The following FOXO3 variants were observed in gnomAD, a reference collection of about 807,000 sequenced individuals.
FOXO3 encodes forkhead box protein O3.
Under a neutral mutation model 41.9 loss-of-function variants are expected in FOXO3, and 4 were observed. The ratio of observed to expected loss-of-function variants is 0.10; its 90% confidence interval spans 0.05 to 0.22. The LOEUF is 0.22. FOXO3 is among the 10% of genes least tolerant of loss of function. The pLI is 1.00. For synonymous variants in FOXO3, 318 were observed against 389.3 expected, an observed-to-expected ratio of 0.82 and a Z score of 2.16; for missense variants, 534 against 906.8, an observed-to-expected ratio of 0.59 and a Z score of 5.28.
chr6:108,577,879 G>C (rs1032175950), intron 1 of FOXO3, among the ~76,000 whole-genome samples: 1 of 152,150 alleles, frequency 6.6e-6, no homozygotes, highest in Non-Finnish European at 1.5e-5. Flanking sequence ...GTGTTTAACT[G>C]GGGTCTCCTC....
At chr6:108,647,042 A>G (rs1778411500) in intron 1 of FOXO3, among the ~76,000 whole-genome samples, 1 of 152,264 alleles carries the variant, frequency 6.6e-6, no homozygotes, top group African/African-American at 2.4e-5. Flanking sequence ...GCTATCAGGT[A>G]AAAGGACAGA....
chr6:108,603,875 C>T (rs1048844545), intron 1 of FOXO3, among the ~76,000 whole-genome samples: 3 of 152,078 alleles, frequency 2.0e-5, no homozygotes, highest in African/African-American at 7.2e-5. Flanking sequence ...AATTTCCCAG[C>T]ATGGTACATT....
chr6:108,639,441 A>G (rs1292634673), intron 1 of FOXO3: 1 of 497,880 alleles, frequency 2.0e-6, no homozygotes, highest in Non-Finnish European at 2.6e-6. Context: ...TACATTGGAC[A>G]GAAATGAAAG....
intron 1 of FOXO3, among the ~76,000 whole-genome samples, chr6:108,582,809 G>A (rs953946775): frequency 1.3e-5 from 2 of 151,790 alleles, no homozygotes; most frequent in African/African-American, 4.8e-5. Flanking sequence ...ATTCTTGTTG[G>A]GTGTAACTGC....
chr6:108,583,993 C>T (rs1776505230), intron 1 of FOXO3, among the ~76,000 whole-genome samples: 1 of 152,218 alleles, frequency 6.6e-6, no homozygotes, highest in African/African-American at 2.4e-5. Flanking sequence ...GCAGCCTGTG[C>T]TGGTCCAGGC....
intron 2 of FOXO3, among the ~76,000 whole-genome samples, chr6:108,670,630 G>A (rs1779191559): frequency 6.6e-6 from 1 of 152,132 alleles, no homozygotes; most frequent in Non-Finnish European, 1.5e-5. Flanking sequence ...GTTATGCAGT[G>A]TTTCCTAAAT....
intron 1 of FOXO3, among the ~76,000 whole-genome samples, chr6:108,587,773 C>G (rs1034213821): frequency 6.6e-6 from 1 of 152,186 alleles, no homozygotes; most frequent in Non-Finnish European, 1.5e-5. Flanking sequence ...CTTGACTTCC[C>G]TGATGGTACA....
intron 2 of FOXO3, among the ~76,000 whole-genome samples, chr6:108,670,697 C>G: frequency 6.6e-6 from 1 of 152,186 alleles, no homozygotes. Flanking sequence ...CACCAGTGTT[C>G]TAAGGAACCC....
chr6:108,606,560 G>T (rs1015806640), intron 1 of FOXO3, among the ~76,000 whole-genome samples: 1 of 152,172 alleles, frequency 6.6e-6, no homozygotes, highest in Non-Finnish European at 1.5e-5. Context: ...TATGATTAAG[G>T]CTTATCTACA....
At chr6:108,639,467 A>G (rs1778198659) in intron 1 of FOXO3, 2 of 749,330 alleles carry the variant, frequency 2.7e-6, no homozygotes, top group South Asian at 6.0e-5. Context: ...CAATAAGACC[A>G]TGTTCTTTCT....
intron 1 of FOXO3, chr6:108,639,716 T>A: frequency 4.1e-6 from 1 of 244,590 alleles, no homozygotes; most frequent in South Asian, 1.5e-4. Flanking sequence ...TTCTATTTAA[T>A]TTCAATAAAT....
rs185234716 is a variant in FOXO3, at chr6:108,679,076, T to A, written c.*35-751T>A. Among the ~76,000 whole-genome samples the A allele has an allele frequency of 9.8e-3, 1,487 of 151,940 alleles. 26 individuals are homozygous for A. The highest frequency in any genetic ancestry group is 0.034 in the African/African-American group (1,413 of 41,468). Reference sequence around the variant, plus strand: ...TTAGTAGAGACGGGGTTTCACCATGTTAGCCAGGATGGTCTCGATCTCCTG... The same window carrying A: ...TTAGTAGAGACGGGGTTTCACCATGATAGCCAGGATGGTCTCGATCTCCTG... On this transcript the variant is annotated intron_variant, in intron 2 of 2. Transcript: ENST00000406360.
chr6:108,594,199 A>G (rs527765434), intron 1 of FOXO3, among the ~76,000 whole-genome samples: 1 of 152,278 alleles, frequency 6.6e-6, no homozygotes, highest in South Asian at 2.1e-4. Context: ...TAGAAGGAAA[A>G]GGGCAGCTTG....
chr6:108,678,846 A>G (rs923032996), intron 2 of FOXO3, among the ~76,000 whole-genome samples: 2 of 142,308 alleles, frequency 1.4e-5, no homozygotes, highest in East Asian at 4.3e-4. Flanking sequence ...TGGGCAACAT[A>G]GCAAGACCCC....
At chr6:108,588,958 C>A (rs1051537845) in intron 1 of FOXO3, among the ~76,000 whole-genome samples, 3 of 152,186 alleles carry the variant, frequency 2.0e-5, no homozygotes, top group Admixed American at 6.5e-5. Context: ...CTTAGTTCTT[C>A]AGTATTTATT....
intron 2 of FOXO3, among the ~76,000 whole-genome samples, chr6:108,673,756 C>T (rs747201556): frequency 1.3e-5 from 2 of 152,094 alleles, no homozygotes; most frequent in African/African-American, 4.8e-5. Context: ...ATCCCTGCCC[C>T]GCCCCCCACA....
intron 1 of FOXO3, among the ~76,000 whole-genome samples, chr6:108,581,463 C>T (rs777488705): frequency 2.6e-5 from 4 of 152,110 alleles, no homozygotes; most frequent in Non-Finnish European, 5.9e-5. Context: ...CTTCAAAGAA[C>T]ATTATCAAAC....
intron 1 of FOXO3, among the ~76,000 whole-genome samples, chr6:108,615,297 G>T (rs992678380): frequency 4.6e-5 from 7 of 151,886 alleles, no homozygotes; most frequent in Non-Finnish European, 1.0e-4. Context: ...ACCACTGCTG[G>T]CATTGATTCT....
intron 1 of FOXO3, among the ~76,000 whole-genome samples, chr6:108,590,283 C>G (rs59450269): frequency 6.6e-6 from 1 of 152,064 alleles, no homozygotes; most frequent in African/African-American, 2.4e-5. Context: ...GCCACCACAC[C>G]CAGCACCCAC....
Sources: gnomAD v4.1 joint callset for allele counts (sites outside exome capture counted in the v4.1 genomes callset) on GRCh38, gnomAD v4.1.1 for gene constraint, MANE v1.5 for transcripts, NCBI Gene and HGNC (gene_info 2026-07-23, HGNC 2026-07-21) for gene names.